Variants in NBAS observed in about 807,000 individuals in gnomAD.
NBAS encodes NAG/BC035112 fusion.
Under a neutral mutation model 302.5 loss-of-function variants are expected in NBAS, and 219 were observed. The ratio of observed to expected loss-of-function variants is 0.72; its 90% confidence interval spans 0.65 to 0.81. The LOEUF (loss-of-function observed/expected upper bound fraction) is 0.81, where lower values mean the gene tolerates loss of function less well. Ranked by LOEUF, NBAS falls within the 30% of genes least tolerant of loss-of-function variation. The pLI is 0.00. For synonymous variants in NBAS, 1,118 were observed against 1,021.6 expected, an observed-to-expected ratio of 1.09 and a Z score of -1.80; for missense variants, 2,932 against 2,841.6, an observed-to-expected ratio of 1.03 and a Z score of -0.72.
the NBAS span, among the ~76,000 whole-genome samples, chr2:15,003,684 C>T: frequency 6.6e-6 from 1 of 152,174 alleles, no homozygotes; most frequent in Admixed American, 6.5e-5. Context: ...TGAGCCCAGC[C>T]AAGAGATCTC....
the NBAS span, among the ~76,000 whole-genome samples, chr2:14,898,249 G>A: frequency 2.0e-5 from 3 of 152,186 alleles, no homozygotes; most frequent in African/African-American, 7.2e-5. Context: ...GAAATGTAAA[G>A]CCTCTCTCTT....
the NBAS span, among the ~76,000 whole-genome samples, chr2:15,065,150 C>T: frequency 7.2e-5 from 11 of 151,910 alleles, no homozygotes; most frequent in African/African-American, 2.7e-4. Flanking sequence ...GATTCTTTCA[C>T]GATATATACA....
intron 34 of NBAS, among the ~76,000 whole-genome samples, chr2:15,352,417 G>A (rs1316353002): frequency 1.3e-5 from 2 of 152,174 alleles, no homozygotes; most frequent in African/African-American, 2.4e-5. Context: ...ACCGAGGCGA[G>A]TTTTAGAGCA....
chr2:15,247,875 A>T (rs1558472616), intron 44 of NBAS, among the ~76,000 whole-genome samples: 1 of 152,052 alleles, frequency 6.6e-6, no homozygotes, highest in Non-Finnish European at 1.5e-5. Flanking sequence ...TTAACACCCC[A>T]CTGTCAATAT....
In NBAS at chr2:15,415,549, TG is replaced by T; in HGVS notation, c.2933del (p.Pro978GlnfsTer14). The T allele has an allele frequency of 6.2e-7, 1 of 1,614,002 alleles. No homozygotes were observed. The highest frequency in any genetic ancestry group is 8.5e-7 in the Non-Finnish European group (1 of 1,179,866). ...FPLKIFQHSK[P>X]DLQQKIIPDQ... ...TAAGAAGTTAGTTTCTACTTACATCTGGTTTGGAATGCTGAAATATCTTCAG... is the reference window on the plus strand; with the variant it reads ...TAAGAAGTTAGTTTCTACTTACATCTGTTTGGAATGCTGAAATATCTTCAG... On this transcript the variant is annotated frameshift_variant, in exon 25 of 52. Coordinates refer to ENST00000281513, the MANE Select transcript of NBAS (RefSeq NM_015909.4). LOFTEE classifies it high-confidence loss of function.
chr2:14,974,238 A>G, the NBAS span, among the ~76,000 whole-genome samples: 2 of 152,348 alleles, frequency 1.3e-5, no homozygotes, highest in Middle Eastern at 6.8e-3. Context: ...ATTATCTAGG[A>G]AAGAACAGGT....
intron 9 of NBAS, among the ~76,000 whole-genome samples, chr2:15,529,726 CAA>C (rs1056127790): frequency 1.3e-5 from 2 of 152,070 alleles, no homozygotes; most frequent in Non-Finnish European, 2.9e-5. Flanking sequence ...CACAGCAAAA[CAA>C]AGTCTATCCC....
intron 32 of NBAS, among the ~76,000 whole-genome samples, chr2:15,366,089 A>G (rs1201269881): frequency 6.6e-6 from 1 of 152,228 alleles, no homozygotes; most frequent in African/African-American, 2.4e-5. Context: ...ATGAGATAAA[A>G]TACATGAAAA....
chr2:15,500,500 T>C (rs186364803), intron 11 of NBAS, among the ~76,000 whole-genome samples: 64 of 112,158 alleles, frequency 5.7e-4, no homozygotes, highest in Admixed American at 1.7e-3. Flanking sequence ...ATTTTAGAAG[T>C]CTCACACACA....
chr2:14,917,250 A>G, the NBAS span, among the ~76,000 whole-genome samples: 1 of 152,196 alleles, frequency 6.6e-6, no homozygotes, highest in African/African-American at 2.4e-5. Context: ...TGGTTGGGGA[A>G]GAATCTGCTG....
chr2:15,481,998 G>A (rs569585232), intron 12 of NBAS, among the ~76,000 whole-genome samples: 1 of 152,294 alleles, frequency 6.6e-6, no homozygotes, highest in South Asian at 2.1e-4. Flanking sequence ...AAAAGAATCT[G>A]GACAGACAGG....
At chr2:15,154,416 G>A in the NBAS span, among the ~76,000 whole-genome samples, 1 of 152,120 alleles carries the variant, frequency 6.6e-6, no homozygotes, top group African/African-American at 2.4e-5. Context: ...AGACATCGGT[G>A]GTTTGTGGTC....
chr2:15,394,262 C>T lies in NBAS; in HGVS notation c.3222G>A (p.Lys1074=), dbSNP rs760931194. 2.4e-5 allele frequency: 39 copies of T among 1,612,084 alleles called. No individual in the cohort carries two copies. The East Asian group carries it at 8.0e-4, about 33-fold the overall frequency. The change falls in exon 28 of 52, where the codon AAG becomes AAA. Residue 1074 remains lysine, a synonymous_variant. Transcript: ENST00000281513. ...NTQSSSEEAR[K]LMVRLTRHTG... Reference sequence around the variant, plus strand: ...TGTGCCTCGTCAATCTAACCATCAGCTTGCGTGCCTCTTCTGAGCTAGATT... The same window carrying T: ...TGTGCCTCGTCAATCTAACCATCAGTTTGCGTGCCTCTTCTGAGCTAGATT...
chr2:15,380,404 A>G (rs1674974680), intron 29 of NBAS, among the ~76,000 whole-genome samples: 1 of 152,050 alleles, frequency 6.6e-6, no homozygotes, highest in Non-Finnish European at 1.5e-5. Flanking sequence ...TAAAAGAAAA[A>G]TCTTTGAATA....
intron 42 of NBAS, among the ~76,000 whole-genome samples, chr2:15,278,029 G>GT (rs1481337679): frequency 1.3e-5 from 2 of 152,162 alleles, no homozygotes; most frequent in African/African-American, 4.8e-5. Context: ...TCTGGGGGCA[G>GT]TAAGTGAGAC....
At chr2:15,284,997 C>T (rs1439767628) in intron 42 of NBAS, among the ~76,000 whole-genome samples, 2 of 152,154 alleles carry the variant, frequency 1.3e-5, no homozygotes, top group Non-Finnish European at 2.9e-5. Flanking sequence ...AAGGAAGCAT[C>T]CTGTTTGTAC....
At chr2:14,813,132 A>C in the NBAS span, among the ~76,000 whole-genome samples, 5 of 152,266 alleles carry the variant, frequency 3.3e-5, no homozygotes, top group South Asian at 1.0e-3. Flanking sequence ...TAAATTACCT[A>C]ATCTCAGGTA....
intron 8 of NBAS, among the ~76,000 whole-genome samples, chr2:15,534,977 C>G (rs1663414175): frequency 6.6e-6 from 1 of 152,132 alleles, no homozygotes; most frequent in Admixed American, 6.5e-5. Context: ...GAACTGGAAA[C>G]AGGGTTCTAT....
the NBAS span, among the ~76,000 whole-genome samples, chr2:14,962,888 G>A: frequency 5.9e-5 from 9 of 151,830 alleles, no homozygotes; most frequent in Non-Finnish European, 1.0e-4. Flanking sequence ...TACTTGTGTG[G>A]CATCAGGGCT....
Sources: gnomAD v4.1 joint callset for allele counts (sites outside exome capture counted in the v4.1 genomes callset) on GRCh38, gnomAD v4.1.1 for gene constraint, MANE v1.5 for transcripts, NCBI Gene and HGNC (gene_info 2026-07-23, HGNC 2026-07-21) for gene names.